The following EPB41L4A variants were observed in gnomAD, a reference collection of about 807,000 sequenced individuals.
The protein encoded by EPB41L4A is erythrocyte membrane protein band 4.1 like 4A.
In EPB41L4A, 100 loss-of-function variants were observed where a neutral mutation model predicts 108.6. The ratio of observed to expected loss-of-function variants is 0.92; its 90% confidence interval spans 0.78 to 1.09. EPB41L4A has a LOEUF of 1.09. EPB41L4A is among the 50% of genes least tolerant of loss of function. The pLI is 0.00. For missense variants in EPB41L4A, 1,030 were observed against 842.7 expected (o/e 1.22, Z -2.75); for synonymous variants, 319 against 289.0 (o/e 1.10, Z -1.05).
intron 1 of EPB41L4A, among the ~76,000 whole-genome samples, chr5:112,400,893 GTTA>G (rs1761705400): frequency 2.0e-5 from 3 of 152,148 alleles, no homozygotes; most frequent in Admixed American, 2.0e-4. Flanking sequence ...TGCAAGTACT[GTTA>G]AAACTTCCAT....
chr5:112,230,989 A>C (rs2150357892), intron 12 of EPB41L4A, among the ~76,000 whole-genome samples: 1 of 152,330 alleles, frequency 6.6e-6, no homozygotes, highest in Non-Finnish European at 1.5e-5. Flanking sequence ...CAAAGTCTTA[A>C]ATTTTAACAC....
intron 2 of EPB41L4A, among the ~76,000 whole-genome samples, chr5:112,282,709 C>T (rs906418741): frequency 2.0e-5 from 3 of 152,124 alleles, no homozygotes; most frequent in Admixed American, 6.5e-5. Context: ...TCACGCCCTA[C>T]GCTACACTTA....
intron 1 of EPB41L4A, among the ~76,000 whole-genome samples, chr5:112,397,144 T>G (rs938469784): frequency 6.6e-6 from 1 of 152,196 alleles, no homozygotes; most frequent in Non-Finnish European, 1.5e-5. Flanking sequence ...TATGACTATA[T>G]GTACCCATTG....
At chr5:112,261,515 A>G (rs987986798) in intron 7 of EPB41L4A, among the ~76,000 whole-genome samples, 3 of 152,220 alleles carry the variant, frequency 2.0e-5, no homozygotes, top group Admixed American at 1.3e-4. Context: ...CATTCCTCTT[A>G]ATTCAAAGGC....
At chr5:112,247,209 C>T (rs1750302677) in intron 9 of EPB41L4A, among the ~76,000 whole-genome samples, 1 of 8,186 alleles carries the variant, frequency 1.2e-4, no homozygotes, top group African/African-American at 1.3e-4. Context: ...AATCTCCCTC[C>T]CACCACTGTC....
At chr5:112,214,461 A>G (rs1323194083) in intron 12 of EPB41L4A, among the ~76,000 whole-genome samples, 1 of 152,186 alleles carries the variant, frequency 6.6e-6, no homozygotes, top group Non-Finnish European at 1.5e-5. Context: ...CACCCACTTC[A>G]AGAATTAAAA....
chr5:112,303,534 G>A (rs111388852), intron 2 of EPB41L4A, among the ~76,000 whole-genome samples: 83 of 152,210 alleles, frequency 5.5e-4, no homozygotes, highest in African/African-American at 1.7e-3. Context: ...AATCACAATC[G>A]TAGAGAAGAC....
At chr5:112,165,342 A>T (rs546980844) in intron 22 of EPB41L4A, among the ~76,000 whole-genome samples, 1 of 152,242 alleles carries the variant, frequency 6.6e-6, no homozygotes, top group Non-Finnish European at 1.5e-5. Flanking sequence ...ATTTACATGC[A>T]TAACGATTTT....
chr5:112,399,419 A>G (rs1761590231), intron 1 of EPB41L4A, among the ~76,000 whole-genome samples: 1 of 152,088 alleles, frequency 6.6e-6, no homozygotes, highest in African/African-American at 2.4e-5. Context: ...TAAGCTCCAT[A>G]CTGGGAGGCA....
chr5:112,308,723 CA>C (rs1220800554), intron 1 of EPB41L4A, among the ~76,000 whole-genome samples: 3 of 152,106 alleles, frequency 2.0e-5, no homozygotes, highest in African/African-American at 7.2e-5. Flanking sequence ...ATGTATTTCT[CA>C]GAGGTAAAAA....
intron 1 of EPB41L4A, among the ~76,000 whole-genome samples, chr5:112,362,233 T>A (rs1758812547): frequency 6.6e-6 from 1 of 151,284 alleles, no homozygotes; most frequent in Non-Finnish European, 1.5e-5. Context: ...GCCTGGCAAC[T>A]GGTTGGGACT....
At chr5:112,224,174 A>G (rs754981937) in intron 12 of EPB41L4A, among the ~76,000 whole-genome samples, 1 of 151,916 alleles carries the variant, frequency 6.6e-6, no homozygotes, top group Non-Finnish European at 1.5e-5. Context: ...CTGGTCTTAC[A>G]CTCCTGACCT....
chr5:112,174,115 G>A (rs182027999), intron 18 of EPB41L4A, among the ~76,000 whole-genome samples: 36 of 152,300 alleles, frequency 2.4e-4, no homozygotes, highest in East Asian at 2.3e-3. Context: ...GTTTTAAGGC[G>A]AGGAAAAGTT....
At chr5:112,336,984 A>C (rs925948162) in intron 1 of EPB41L4A, among the ~76,000 whole-genome samples, 2 of 152,164 alleles carry the variant, frequency 1.3e-5, no homozygotes, top group Admixed American at 6.5e-5. Flanking sequence ...TAGTTATTTC[A>C]CAGTGCCATT....
intron 12 of EPB41L4A, among the ~76,000 whole-genome samples, chr5:112,231,790 T>C (rs1239930054): frequency 4.1e-5 from 1 of 24,110 alleles, no homozygotes; most frequent in Non-Finnish European, 8.4e-5. Context: ...AGACTCCGTC[T>C]CAAAAAAAAA....
intron 1 of EPB41L4A, among the ~76,000 whole-genome samples, chr5:112,360,032 CG>C (rs1758618428): frequency 6.6e-6 from 1 of 152,284 alleles, no homozygotes; most frequent in African/African-American, 2.4e-5. Context: ...ACAGATTCAA[CG>C]GAAATCCAAT....
At chr5:112,285,562 A>G (rs1753229376) in intron 2 of EPB41L4A, among the ~76,000 whole-genome samples, 2 of 152,162 alleles carry the variant, frequency 1.3e-5, no homozygotes, top group Admixed American at 6.5e-5. Flanking sequence ...CCACCATAAT[A>G]GAGCTATCTT....
rs149560953 is a variant in EPB41L4A at position 112,286,807 on chromosome 5, A to C, written c.205-6484T>G. On this transcript the variant is annotated intron_variant, in intron 2 of 22. Transcript: ENST00000261486. ...CCCATCTTCAAAACAAAACCAAAAA[A>C]CTTTGACTCCCATACCTGTCCATTT... Among the ~76,000 whole-genome samples the C allele has an allele frequency of 9.6e-3, 1,462 of 152,046 alleles. 11 individuals are homozygous for C. The highest frequency in any genetic ancestry group is 0.037 in the Middle Eastern group (11 of 294).
In EPB41L4A at chr5:112,205,018, C is replaced by A. The variant is rs17268599; in HGVS notation, c.1262+403G>T. 9.1e-3 allele frequency among the ~76,000 whole-genome samples: 1,387 copies of A among 152,284 alleles called. 13 individuals carry two copies. Among genetic ancestry groups the A allele is most frequent in the South Asian group, 0.04 (191 of 4,826 alleles). Reference sequence around the variant, plus strand: ...TTTGGTAGTTGTGACCAGAGATACACTAGACATATCCATATTTTTAGGAAT... The same window carrying A: ...TTTGGTAGTTGTGACCAGAGATACAATAGACATATCCATATTTTTAGGAAT... On this transcript the variant is annotated intron_variant, in intron 14 of 22. Transcript: ENST00000261486.
Sources: gnomAD v4.1 joint callset for allele counts (sites outside exome capture counted in the v4.1 genomes callset) on GRCh38, gnomAD v4.1.1 for gene constraint, MANE v1.5 for transcripts, NCBI Gene and HGNC (gene_info 2026-07-23, HGNC 2026-07-21) for gene names.